NRG1: variants seen among roughly 807,000 people sequenced by gnomAD.
The protein encoded by NRG1 is pro-neuregulin-1, membrane-bound isoform.
NRG1 carries 18 observed loss-of-function variants against 63.8 expected under a neutral mutation model. The observed-to-expected ratio is 0.28, with a 90% CI of 0.19 to 0.42. NRG1 has a LOEUF of 0.42. Ranked by LOEUF, NRG1 falls within the 10% of genes least tolerant of loss-of-function variation. NRG1 has a pLI of 1.00. For synonymous variants in NRG1, 302 were observed against 301.3 expected, an observed-to-expected ratio of 1.00 and a Z score of -0.02; for missense variants, 762 against 814.7, an observed-to-expected ratio of 0.94 and a Z score of 0.79.
intron 1 of NRG1, among the ~76,000 whole-genome samples, chr8:32,535,998 G>C (rs1423564890): frequency 6.6e-6 from 1 of 152,164 alleles, no homozygotes; most frequent in African/African-American, 2.4e-5. Context: ...TCTTGTCTGA[G>C]ACACTACATC....
At chr8:32,416,628 C>G (rs1281580434) in intron 1 of NRG1, among the ~76,000 whole-genome samples, 1 of 152,084 alleles carries the variant, frequency 6.6e-6, no homozygotes, top group Non-Finnish European at 1.5e-5. Context: ...GTTTAACTGT[C>G]TGTGTTTTCC....
rs144882661 is a variant in NRG1 at position 31,775,609 on chromosome 8, C to T, written c.37+136178C>T. On this transcript the variant is annotated intron_variant, in intron 1 of 10. Transcript: ENST00000519301. ...ATATTTTAAAAATCCATACTTTGGC[C>T]GGGTGCGGTGGCTCACGCCTGTAAT... is the stretch of plus-strand genomic sequence containing the variant. Among the ~76,000 whole-genome samples, 599 of 152,114 alleles carry T rather than the reference C, an allele frequency of 3.9e-3. 6 individuals carry two copies. The highest frequency in any genetic ancestry group is 0.014 in the African/African-American group (569 of 41,500).
chr8:32,597,095 T>G (rs1253166515), intron 2 of NRG1, among the ~76,000 whole-genome samples: 3 of 152,188 alleles, frequency 2.0e-5, no homozygotes, highest in African/African-American at 7.2e-5. Context: ...GTGGATTAGA[T>G]TTTTGCTTCT....
At chr8:32,371,638 T>C (rs1377533331) in intron 1 of NRG1, among the ~76,000 whole-genome samples, 5 of 152,190 alleles carry the variant, frequency 3.3e-5, no homozygotes, top group Non-Finnish European at 4.4e-5. Flanking sequence ...TGAGATTCCT[T>C]AAGAAGGGAG....
chr8:31,917,345 C>T (rs1346415912), intron 1 of NRG1, among the ~76,000 whole-genome samples: 6 of 150,698 alleles, frequency 4.0e-5, no homozygotes, highest in East Asian at 1.9e-4. Context: ...TTAGGTCTAA[C>T]GTTTAGGTCT....
At chr8:32,379,222 A>T (rs1479010498) in intron 1 of NRG1, among the ~76,000 whole-genome samples, 1 of 152,164 alleles carries the variant, frequency 6.6e-6, no homozygotes. Context: ...ATAAAAAAAC[A>T]CTTATCAAAC....
intron 1 of NRG1, among the ~76,000 whole-genome samples, chr8:31,811,358 C>T (rs1354918666): frequency 2.0e-5 from 3 of 152,158 alleles, no homozygotes; most frequent in South Asian, 2.1e-4. Flanking sequence ...CTACTAAGCC[C>T]ATTACTTATA....
At chr8:31,862,976 CAT>C (rs1372270253) in intron 1 of NRG1, among the ~76,000 whole-genome samples, 2 of 152,162 alleles carry the variant, frequency 1.3e-5, no homozygotes, top group African/African-American at 4.8e-5. Flanking sequence ...TTCTATGAAT[CAT>C]GTGTTAGCAA....
At chr8:31,745,119 A>T (rs1346159589) in intron 1 of NRG1, among the ~76,000 whole-genome samples, 2 of 151,992 alleles carry the variant, frequency 1.3e-5, no homozygotes, top group Non-Finnish European at 2.9e-5. Flanking sequence ...AGAAAATTTT[A>T]CAAGTAGAGT....
intron 5 of NRG1, among the ~76,000 whole-genome samples, chr8:32,724,393 C>G (rs1821505238): frequency 6.6e-6 from 1 of 152,064 alleles, no homozygotes; most frequent in Admixed American, 6.6e-5. Flanking sequence ...ACCTTTAATA[C>G]AACTCCTCCC....
intron 1 of NRG1, among the ~76,000 whole-genome samples, chr8:32,191,049 C>A (rs1176474773): frequency 6.6e-6 from 1 of 151,932 alleles, no homozygotes; most frequent in African/African-American, 2.4e-5. Context: ...GCAAACAATT[C>A]TTGAAACAAT....
chr8:32,741,111 C>G (rs960729772), intron 6 of NRG1, among the ~76,000 whole-genome samples: 1 of 151,988 alleles, frequency 6.6e-6, no homozygotes, highest in African/African-American at 2.4e-5. Context: ...ATTAGAGTAA[C>G]AGCAACAGCA....
intron 1 of NRG1, among the ~76,000 whole-genome samples, chr8:32,504,245 G>C (rs1185176973): frequency 6.6e-6 from 1 of 152,124 alleles, no homozygotes; most frequent in African/African-American, 2.4e-5. Context: ...GTTAAGGACT[G>C]CCTGTCCATC....
At position 31,791,271 on chromosome 8, in the gene NRG1, T is replaced by A. The variant is rs529301798; in HGVS notation, c.37+151840T>A. Among the ~76,000 whole-genome samples the A allele has an allele frequency of 9.2e-5, 14 of 151,678 alleles. No individual in the cohort carries two copies. In the South Asian group the frequency reaches 2.9e-3, roughly 32 times the overall value. On this transcript the variant is annotated intron_variant, in intron 1 of 10. Transcript: ENST00000519301. ...GATAGTAAATAGGTTTTCCTCCTCA[T>A]GCCAACTCAGATCAGTTGATAGTAC... is the stretch of plus-strand genomic sequence containing the variant.
chr8:32,152,724 A>T (rs115655416), intron 1 of NRG1, among the ~76,000 whole-genome samples: 2 of 152,208 alleles, frequency 1.3e-5, no homozygotes, highest in Non-Finnish European at 2.9e-5. Flanking sequence ...GGTTAAATCC[A>T]CAAAAAAAAG....
intron 1 of NRG1, among the ~76,000 whole-genome samples, chr8:32,354,483 G>A (rs1271496801): frequency 1.3e-5 from 2 of 152,024 alleles, no homozygotes; most frequent in African/African-American, 2.4e-5. Flanking sequence ...GGGATGAGGA[G>A]GATTACCAAG....
chr8:31,991,814 TC>T (rs1811145361), intron 1 of NRG1, among the ~76,000 whole-genome samples: 1 of 152,010 alleles, frequency 6.6e-6, no homozygotes, highest in Non-Finnish European at 1.5e-5. Flanking sequence ...TTCATTTTTT[TC>T]CCAAGATGAT....
At chr8:31,821,048 T>C (rs994805430) in intron 1 of NRG1, among the ~76,000 whole-genome samples, 1 of 152,228 alleles carries the variant, frequency 6.6e-6, no homozygotes, top group Non-Finnish European at 1.5e-5. Flanking sequence ...CTGTATACTT[T>C]ATATCATCTC....
At chr8:32,358,022 G>C (rs1021601652) in intron 1 of NRG1, among the ~76,000 whole-genome samples, 2 of 152,116 alleles carry the variant, frequency 1.3e-5, no homozygotes, top group Non-Finnish European at 2.9e-5. Context: ...GTGTGACTAA[G>C]TTCTGTCCAA....
Sources: allele counts gnomAD v4.1 joint callset (sites outside exome capture counted in the v4.1 genomes callset), GRCh38; gene constraint gnomAD v4.1.1; transcripts MANE v1.5; gene names NCBI Gene and HGNC (gene_info 2026-07-23, HGNC 2026-07-21).